UBE2W: variants seen among roughly 807,000 people sequenced by gnomAD.
UBE2W encodes ubiquitin-conjugating enzyme E2 W.
A neutral mutation model predicts 27.2 loss-of-function variants in UBE2W; 18 were observed. The ratio of observed to expected loss-of-function variants is 0.66; its 90% confidence interval spans 0.46 to 0.98. UBE2W has a LOEUF of 0.98. UBE2W is among the 50% of genes least tolerant of loss of function. The pLI, the probability that UBE2W is intolerant of heterozygous loss-of-function variation, is 0.00. For missense variants in UBE2W, 90 were observed against 180.2 expected (o/e 0.50, Z 2.87); for synonymous variants, 53 against 57.2 (o/e 0.93, Z 0.33).
rs1586436666 is a variant in UBE2W at position 73,793,150 on chromosome 8, C to T, written c.*952G>A. On this transcript the variant is annotated 3_prime_UTR_variant, in exon 6 of 6. Coordinates refer to ENST00000602593, the MANE Select transcript of UBE2W (RefSeq NM_018299.6). ...GCAAACAAAAATGTTTACGGGGTTT[C>T]CAAACATAAATAAATGAAATAGTGT... 38 of 985,682 alleles carry T rather than the reference C, an allele frequency of 3.9e-5. No individual in the cohort carries two copies. Among genetic ancestry groups the T allele is most frequent in the Non-Finnish European group, 4.6e-5 (38 of 829,862 alleles). The allele number at this position is 985,682 out of a possible 1,614,324, so 61.1% of individuals were successfully genotyped here.
intron 1 of UBE2W, among the ~76,000 whole-genome samples, chr8:73,834,231 A>C (rs1231853599): frequency 6.6e-6 from 1 of 152,248 alleles, no homozygotes; most frequent in African/African-American, 2.4e-5. Context: ...CTACAGATAG[A>C]AAACTGTGTT....
Position 73,789,733 on chromosome 8 carries a change from G to C in UBE2W, c.*4369C>G, listed in dbSNP as rs1808114243. On this transcript the variant is annotated 3_prime_UTR_variant, in exon 6 of 6. Coordinates refer to ENST00000602593, the MANE Select transcript of UBE2W (RefSeq NM_018299.6). Reference sequence around the variant, plus strand: ...CATGCCTGTAATCCCAGCTACTCAAGAGGCTGAGGCAGGAGAATCGCTTAG... The same window carrying C: ...CATGCCTGTAATCCCAGCTACTCAACAGGCTGAGGCAGGAGAATCGCTTAG... 4.5e-6 allele frequency: 1 copy of C among 220,096 alleles called. No homozygotes were observed. The highest frequency in any genetic ancestry group is 6.5e-5 in the Admixed American group (1 of 15,316). 13.6% of individuals were successfully genotyped at this position (220,096 alleles called of 1,614,324 possible).
intron 1 of UBE2W, among the ~76,000 whole-genome samples, chr8:73,839,899 A>G (rs1436923476): frequency 2.0e-5 from 3 of 149,346 alleles, no homozygotes; most frequent in African/African-American, 7.4e-5. Flanking sequence ...ACCTGGCTAA[A>G]TTTTGTATTT....
At chr8:73,823,123 A>G (rs1327380363) in intron 3 of UBE2W, among the ~76,000 whole-genome samples, 1 of 152,178 alleles carries the variant, frequency 6.6e-6, no homozygotes, top group East Asian at 1.9e-4. Flanking sequence ...AAGAGTGAGA[A>G]GAGTAACACA....
chr8:73,801,272 G>A (rs1030507090), intron 5 of UBE2W, among the ~76,000 whole-genome samples: 1 of 152,034 alleles, frequency 6.6e-6, no homozygotes, highest in African/African-American at 2.4e-5. Flanking sequence ...ATATAACCCA[G>A]CATTAGAGGG....
chr8:73,811,762 T>C (rs1346091494), intron 3 of UBE2W, among the ~76,000 whole-genome samples: 1 of 152,048 alleles, frequency 6.6e-6, no homozygotes, highest in South Asian at 2.1e-4. Flanking sequence ...TACAACAGAA[T>C]ATCAGTAAGG....
chr8:73,846,094 G>A (rs969967009), intron 1 of UBE2W, among the ~76,000 whole-genome samples: 2 of 152,128 alleles, frequency 1.3e-5, no homozygotes, highest in Non-Finnish European at 2.9e-5. Flanking sequence ...AGTTCCTTAC[G>A]AAACAGCTCT....
chr8:73,788,664 GA>G lies in UBE2W; in HGVS notation c.*5437del. The G allele has an allele frequency of 3.0e-6, 3 of 985,410 alleles. No individual in the cohort carries two copies. Among genetic ancestry groups the G allele is most frequent in the Non-Finnish European group, 3.6e-6 (3 of 829,930 alleles). The allele number at this position is 985,410 out of a possible 1,614,324, so 61.0% of individuals were successfully genotyped here. A position where few individuals can be genotyped will look rare whatever the true frequency, so the allele number is the denominator to read the frequency against. On this transcript the variant is annotated 3_prime_UTR_variant, in exon 6 of 6. Coordinates refer to ENST00000602593, the MANE Select transcript of UBE2W (RefSeq NM_018299.6). ...GATTATTAAATCTTTCCATACACCA[GA>G]AAATCTGACAAGTGATGTCATTTTG...
At chr8:73,844,570 C>T (rs182770432) in intron 1 of UBE2W, among the ~76,000 whole-genome samples, 3,660 of 151,864 alleles carry the variant, frequency 0.024, 154 homozygotes, top group African/African-American at 0.084. Flanking sequence ...GGCCGCCACC[C>T]CGTCTAGGAA....
intron 5 of UBE2W, among the ~76,000 whole-genome samples, chr8:73,797,262 C>T (rs1293750773): frequency 6.6e-6 from 1 of 152,132 alleles, no homozygotes; most frequent in Non-Finnish European, 1.5e-5. Flanking sequence ...GGAAACCCAT[C>T]TCCTTGGATA....
At chr8:73,832,277 A>T (rs1016185217) in intron 1 of UBE2W, among the ~76,000 whole-genome samples, 1 of 152,030 alleles carries the variant, frequency 6.6e-6, no homozygotes, top group Non-Finnish European at 1.5e-5. Context: ...CTCCAGCCTA[A>T]GTTACAGAGT....
intron 3 of UBE2W, among the ~76,000 whole-genome samples, chr8:73,816,131 G>A (rs1162021780): frequency 6.6e-6 from 1 of 152,068 alleles, no homozygotes; most frequent in African/African-American, 2.4e-5. Flanking sequence ...CTGTAATAAC[G>A]AGTACCATGC....
In UBE2W at chr8:73,791,581, A is replaced by G; in HGVS notation, c.*2521T>C. ...AGAGAAATATTCTTTTTATTATTAC[A>G]AGCCATTAATTGCTCTCTGTAGAGC... On this transcript the variant is annotated 3_prime_UTR_variant, in exon 6 of 6. Transcript: ENST00000602593. 1.0e-6 allele frequency: 1 copy of G among 985,192 alleles called. No individual in the cohort carries two copies. The highest frequency in any genetic ancestry group is 1.2e-6 in the Non-Finnish European group (1 of 829,760). The allele number at this position is 985,192 out of a possible 1,614,324, so 61.0% of individuals were successfully genotyped here.
chr8:73,876,739 C>A (rs752337277), intron 1 of UBE2W, among the ~76,000 whole-genome samples: 3 of 152,188 alleles, frequency 2.0e-5, no homozygotes, highest in Non-Finnish European at 4.4e-5. Context: ...GAGGCCAAGG[C>A]AGGCGGATCA....
At chr8:73,812,594 C>T (rs1233030438) in intron 3 of UBE2W, among the ~76,000 whole-genome samples, 1 of 152,194 alleles carries the variant, frequency 6.6e-6, no homozygotes, top group Non-Finnish European at 1.5e-5. Context: ...GTTTACAAAT[C>T]TTACGGACAT....
At chr8:73,808,213 G>A (rs925844384) in intron 4 of UBE2W, among the ~76,000 whole-genome samples, 73 of 152,274 alleles carry the variant, frequency 4.8e-4, no homozygotes, top group African/African-American at 1.7e-3. Context: ...ATAATAAAAC[G>A]TGTAGATGGG....
At chr8:73,809,174 C>T (rs1809046683) in intron 4 of UBE2W, among the ~76,000 whole-genome samples, 1 of 151,946 alleles carries the variant, frequency 6.6e-6, no homozygotes, top group Admixed American at 6.6e-5. Flanking sequence ...CAGCAATAAG[C>T]AACAAATGAG....
chr8:73,842,541 A>AT (rs1810584172), intron 1 of UBE2W, among the ~76,000 whole-genome samples: 4 of 148,334 alleles, frequency 2.7e-5, no homozygotes, highest in Non-Finnish European at 6.0e-5. Flanking sequence ...AAAAAAAAAA[A>AT]AAAAAAAAAA....
downstream of UBE2W, among the ~76,000 whole-genome samples, chr8:73,785,888 A>T (rs1213115503): frequency 6.6e-6 from 1 of 152,248 alleles, no homozygotes; most frequent in Non-Finnish European, 1.5e-5. Context: ...TATGCATGAC[A>T]GTACTTTTCA....
Sources: allele counts gnomAD v4.1 joint callset (sites outside exome capture counted in the v4.1 genomes callset), GRCh38; gene constraint gnomAD v4.1.1; transcripts MANE v1.5; gene names NCBI Gene and HGNC (gene_info 2026-07-23, HGNC 2026-07-21).